DMD: variants seen among roughly 807,000 people sequenced by gnomAD.
DMD encodes the protein dystrophin, also known as mutant dystrophin.
A neutral mutation model predicts 330.1 loss-of-function variants in DMD; 63 were observed. That is an observed-to-expected ratio of 0.19 (90% CI 0.16 to 0.24). The LOEUF (loss-of-function observed/expected upper bound fraction) is 0.24. DMD is among the 10% of genes least tolerant of loss of function. The pLI is 1.00. For missense variants in DMD, 3,344 were observed against 2,684.1 expected (o/e 1.25, Z -5.43); for synonymous variants, 1,223 against 959.8 (o/e 1.27, Z -5.07).
chrX:32,418,978 A>G (rs2098178125), intron 29 of DMD, among the ~76,000 whole-genome samples: 1 of 102,178 alleles, frequency 9.8e-6, no homozygotes, highest in Non-Finnish European at 2.0e-5. Flanking sequence ...GTCTCAAAAA[A>G]AAAAAAAAAA....
chrX:31,555,456 T>C (rs184145983), intron 55 of DMD, among the ~76,000 whole-genome samples: 133 of 112,337 alleles, frequency 1.2e-3, no homozygotes, highest in Non-Finnish European at 2.3e-3. Context: ...AGACCAAATA[T>C]ACAAGAGGCA....
At chrX:33,289,043 G>A (rs2053475458) in intron 1 of DMD, among the ~76,000 whole-genome samples, 1 of 110,897 alleles carries the variant, frequency 9.0e-6, no homozygotes, top group Non-Finnish European at 1.9e-5. Context: ...CATTAGGCTC[G>A]TCTCTGTCAA....
At chrX:32,585,778 G>A (rs1382351321) in intron 13 of DMD, among the ~76,000 whole-genome samples, 3 of 96,132 alleles carry the variant, frequency 3.1e-5, no homozygotes, top group African/African-American at 1.1e-4. Flanking sequence ...CTGTAATTTT[G>A]TATGGTGGGT....
intron 16 of DMD, among the ~76,000 whole-genome samples, chrX:32,562,175 T>G (rs989300158): frequency 8.9e-6 from 1 of 111,856 alleles, no homozygotes; most frequent in Non-Finnish European, 1.9e-5. Flanking sequence ...CTTTTCTCAT[T>G]GTAAGCCTCC....
At position 31,657,857 on chromosome X, in the gene DMD, T is replaced by C. The variant is rs2080877926; in HGVS notation, c.8027+133A>G. The C allele has an allele frequency of 4.7e-6, 3 of 635,815 alleles. No individual in the cohort carries two copies. The Admixed American group carries it at 8.5e-5, about 18-fold the overall frequency. The allele number at this position is 635,815 out of a possible 1,213,427, so 52.4% of individuals were successfully genotyped here. A position where few individuals can be genotyped will look rare whatever the true frequency, so the allele number is the denominator to read the frequency against. On this transcript the variant is annotated intron_variant, in intron 54 of 78. Transcript: ENST00000357033. ...GTCTGAGCCAAGTCCGTGAGTTTAG[T>C]TGGTATTTATCGTCTTGAACCCTCC...
rs202101189 is a variant in DMD at position 32,719,987 on chromosome X, TAC to T, written c.650-20696_650-20695del. Among the ~76,000 whole-genome samples the T allele has an allele frequency of 8.3e-4, 88 of 106,134 alleles. No individual in the cohort carries two copies. In the East Asian group the frequency reaches 0.017, roughly 20 times the overall value. The allele number at this position is 106,134 out of a possible 115,157, so 92.2% of individuals were successfully genotyped here. On this transcript the variant is annotated intron_variant, in intron 7 of 78. Coordinates refer to ENST00000357033, the MANE Select transcript of DMD (RefSeq NM_004006.3). ...ATTCATTCATATATATATATATATA[TAC>T]ACACACACACGTTTTAATATTAAAG...
intron 9 of DMD, among the ~76,000 whole-genome samples, chrX:32,653,314 C>T (rs2060306688): frequency 9.0e-6 from 1 of 111,648 alleles, no homozygotes; most frequent in Admixed American, 9.5e-5. Flanking sequence ...GTCTTTGATC[C>T]ATCTTGAATT....
intron 33 of DMD, among the ~76,000 whole-genome samples, chrX:32,385,326 G>T (rs1259621173): frequency 9.0e-6 from 1 of 110,649 alleles, no homozygotes; most frequent in African/African-American, 3.3e-5. Context: ...TTCAATAAAT[G>T]GTTCTGAGAA....
At chrX:31,845,665 T>G (rs1314861107) in intron 48 of DMD, among the ~76,000 whole-genome samples, 1 of 110,530 alleles carries the variant, frequency 9.0e-6, no homozygotes, top group Non-Finnish European at 1.9e-5. Context: ...GAAGTATTAT[T>G]CCTATGTTGT....
intron 57 of DMD, among the ~76,000 whole-genome samples, chrX:31,480,341 A>G (rs2068163504): frequency 8.9e-6 from 1 of 111,770 alleles, no homozygotes; most frequent in African/African-American, 3.2e-5. Flanking sequence ...CATCATCCAC[A>G]GCTATTTACA....
intron 18 of DMD, among the ~76,000 whole-genome samples, chrX:32,503,221 C>T (rs1169976014): frequency 9.0e-6 from 1 of 110,882 alleles, no homozygotes; most frequent in Non-Finnish European, 1.9e-5. Flanking sequence ...CATCTCTAAA[C>T]AAACAATTTT....
chrX:31,125,702 G>C (rs2033550616), intron 78 of DMD, among the ~76,000 whole-genome samples: 1 of 111,807 alleles, frequency 8.9e-6, no homozygotes, highest in African/African-American at 3.3e-5. Flanking sequence ...AATATTCCTG[G>C]TGGAATAGGA....
intron 7 of DMD, among the ~76,000 whole-genome samples, chrX:32,742,144 C>A (rs1039087521): frequency 1.8e-5 from 2 of 111,653 alleles, no homozygotes. Flanking sequence ...CAGCTACCAC[C>A]CATTCCCTTT....
Position 31,431,808 on chromosome X carries a change from T to TTCTC in DMD, c.9084+12669_9084+12672dup, listed in dbSNP as rs1219892129. On this transcript the variant is annotated intron_variant, in intron 60 of 78. Transcript: ENST00000357033. ...AAATATTTTCTTTCTTTTCTTTTCT[T>TTCTC]TCTCTCTCTCTCTTTCTTTCTTTTT... 1.7e-3 allele frequency among the ~76,000 whole-genome samples: 188 copies of TTCTC among 110,714 alleles called. 1 individual carries two copies. Among genetic ancestry groups the TTCTC allele is most frequent in the Non-Finnish European group, 1.6e-3 (86 of 52,786 alleles).
chrX:32,683,266 C>A (rs1163902575), intron 9 of DMD, among the ~76,000 whole-genome samples: 2 of 110,163 alleles, frequency 1.8e-5, no homozygotes. Context: ...CTAGAAATAC[C>A]ACTTGACCCA....
chrX:32,544,521 T>A (rs1240484564), intron 17 of DMD, among the ~76,000 whole-genome samples: 5 of 112,039 alleles, frequency 4.5e-5, no homozygotes, highest in African/African-American at 1.6e-4. Flanking sequence ...CATAAAATTT[T>A]ATTGCCATCA....
At chrX:32,162,671 C>T (rs1011838088) in intron 44 of DMD, among the ~76,000 whole-genome samples, 3 of 91,490 alleles carry the variant, frequency 3.3e-5, no homozygotes, top group Admixed American at 1.5e-4. Context: ...ACAATCTTGG[C>T]TCAATTCTCC....
chrX:31,699,514 G>A (rs1269950391), intron 52 of DMD, among the ~76,000 whole-genome samples: 1 of 112,240 alleles, frequency 8.9e-6, no homozygotes, highest in Non-Finnish European at 1.9e-5. Flanking sequence ...GTTCCCTCCT[G>A]TCTGGGCCAA....
intron 8 of DMD, among the ~76,000 whole-genome samples, chrX:32,698,597 G>A (rs897175723): frequency 2.7e-5 from 3 of 111,976 alleles, no homozygotes; most frequent in Admixed American, 9.5e-5. Context: ...ATTATGTAAC[G>A]AAGAATTTCA....
Sources: gnomAD v4.1 joint callset for allele counts (sites outside exome capture counted in the v4.1 genomes callset) on GRCh38, gnomAD v4.1.1 for gene constraint, MANE v1.5 for transcripts, NCBI Gene and HGNC (gene_info 2026-07-23, HGNC 2026-07-21) for gene names.